The following SMG5 variants were observed in gnomAD, a reference collection of about 807,000 sequenced individuals.
The protein encoded by SMG5 is SMG5 nonsense mediated mRNA decay factor.
A neutral mutation model predicts 122.9 loss-of-function variants in SMG5; 53 were observed. The observed-to-expected ratio is 0.43, with a 90% CI of 0.35 to 0.54. The LOEUF is 0.54. Ranked by LOEUF, SMG5 falls within the 20% of genes least tolerant of loss-of-function variation. The pLI is 0.01. For synonymous variants in SMG5, 477 were observed against 490.2 expected (o/e 0.97, Z 0.35); for missense variants, 1,153 against 1,285.6 (o/e 0.90, Z 1.58).
chr1:156,263,013 C>G (rs1661927955), intron 13 of SMG5, among the ~76,000 whole-genome samples: 1 of 152,202 alleles, frequency 6.6e-6, no homozygotes, highest in East Asian at 1.9e-4. Context: ...CAACTCTTGT[C>G]AGAAGTTCCC....
At chr1:156,252,111 G>C (rs1282333510) in intron 19 of SMG5, among the ~76,000 whole-genome samples, 1 of 152,216 alleles carries the variant, frequency 6.6e-6, no homozygotes. Flanking sequence ...CTAAAGTTGG[G>C]GGAGGGAGGT....
intron 1 of SMG5, among the ~76,000 whole-genome samples, chr1:156,279,407 A>C (rs139566304): frequency 5.8e-4 from 88 of 152,286 alleles, no homozygotes; most frequent in African/African-American, 1.4e-3. Context: ...CAAAGTAGAG[A>C]AACTGTGATA....
Position 156,273,422 on chromosome 1 carries a change from T to C in SMG5, c.573A>G (p.Val191=). The stretch of plus-strand genomic sequence containing the variant: ...ATCTCTCGGCTAGCAGCTCGGTATC[T>C]ACGCCAGCTAATTCATTCTGATATC... ...LSRYQNELAG[V]DTELLAERFY... Residue 191 remains valine (V), a synonymous_variant, in exon 6 of 22, where the codon GTA becomes GTG. Transcript: ENST00000361813. The C allele has an allele frequency of 6.2e-7, 1 of 1,614,072 alleles. No homozygotes were observed. The highest frequency in any genetic ancestry group is 8.5e-7 in the Non-Finnish European group (1 of 1,179,998).
chr1:156,285,672 G>T (rs1326661720), upstream of SMG5: 2 of 1,613,768 alleles, frequency 1.2e-6, no homozygotes, highest in Non-Finnish European at 1.7e-6. Flanking sequence ...ATCGTGCGCT[G>T]TGAGGCAGGC....
the SMG5 span, among the ~76,000 whole-genome samples, chr1:156,289,464 T>C: frequency 1.3e-5 from 2 of 152,080 alleles, no homozygotes; most frequent in Non-Finnish European, 2.9e-5. Context: ...AATAAAAAAT[T>C]AGCCGGGCAT....
chr1:156,274,837 AG>A, intron 4 of SMG5, 151 bp from the exon 5 acceptor site: 1 of 630,130 alleles, frequency 1.6e-6, no homozygotes, highest in Non-Finnish European at 2.9e-6. Context: ...TCCAGGACAC[AG>A]GGAGAGACAC....
chr1:156,256,115 C>T (rs1332583309), intron 16 of SMG5, among the ~76,000 whole-genome samples: 3 of 152,050 alleles, frequency 2.0e-5, no homozygotes, highest in South Asian at 4.1e-4. Context: ...AAAGAGAAAA[C>T]AGACATTAGT....
chr1:156,250,316 G>T lies in SMG5; in HGVS notation c.*271C>A, dbSNP rs529268905. The T allele has an allele frequency of 2.1e-6, 1 of 477,194 alleles. No homozygotes were observed. The highest frequency in any genetic ancestry group is 3.9e-5 in the East Asian group (1 of 25,662). 29.6% of individuals were successfully genotyped at this position (477,194 alleles called of 1,614,324 possible). A position where few individuals can be genotyped will look rare whatever the true frequency, so the allele number is the denominator to read the frequency against. On this transcript the variant is annotated 3_prime_UTR_variant, in exon 22 of 22. Transcript: ENST00000361813. ...CTACCACCTGCCCCTGGAGACAGCA[G>T]GGGAGCTGAGGCAGGAAGGCTGGCC...
chr1:156,283,156 AAGCCTCTTTCAGATTACTGGTTAG>A (rs1663047068), upstream of SMG5: 2 of 271,140 alleles, frequency 7.4e-6, no homozygotes, highest in African/African-American at 4.4e-5. Context: ...CGTTTGAGCC[AAGCCTCTTTCAGATTACTGGTTAG>A]AGTGACTCCA....
intron 2 of SMG5, 40 bp downstream of exon 2, chr1:156,278,896 G>A (rs753616061): frequency 1.3e-6 from 2 of 1,540,706 alleles, no homozygotes; most frequent in African/African-American, 1.4e-5. Context: ...AGATAGGCAG[G>A]GAAACAGTAA....
upstream of SMG5, among the ~76,000 whole-genome samples, chr1:156,283,531 C>A (rs1353689701): frequency 6.6e-6 from 1 of 150,576 alleles, no homozygotes; most frequent in Admixed American, 6.6e-5. Flanking sequence ...ATCTCCTAAT[C>A]CTCACATTGG....
chr1:156,272,986 T>C lies in SMG5; in HGVS notation c.634+375A>G, dbSNP rs1033151585. 2.6e-5 allele frequency among the ~76,000 whole-genome samples: 4 copies of C among 152,192 alleles called. No homozygotes were observed. In the East Asian group the frequency reaches 5.8e-4, roughly 22 times the overall value. On this transcript the variant is annotated intron_variant, in intron 6 of 21. Transcript: ENST00000361813. Reference sequence around the variant, plus strand: ...CTCCTCCAAGGTTGATGGAACTCCATGGAGCCCTCTCCTCTATCTCAGCAC... The same window carrying C: ...CTCCTCCAAGGTTGATGGAACTCCACGGAGCCCTCTCCTCTATCTCAGCAC...
chr1:156,251,068 A>G, intron 20 of SMG5, 72 bp from the exon 21 acceptor site: 1 of 1,567,398 alleles, frequency 6.4e-7, no homozygotes, highest in Non-Finnish European at 8.7e-7. Context: ...CAGGATCTCC[A>G]GGGGACAGGG....
rs552991475 is a variant in SMG5, at chr1:156,273,222, T to C, written c.634+139A>G. ...AGTGTGTTACAAGAGGGAAAAGGTATAAACAAGGTGAAGTACGAGAGAGCT... is the reference window on the plus strand; with the variant it reads ...AGTGTGTTACAAGAGGGAAAAGGTACAAACAAGGTGAAGTACGAGAGAGCT... On this transcript the variant is annotated intron_variant, in intron 6 of 21. Coordinates refer to ENST00000361813, the MANE Select transcript of SMG5 (RefSeq NM_015327.3). The C allele has an allele frequency of 3.1e-4, 209 of 684,314 alleles. 2 individuals are homozygous for C. The South Asian group carries it at 3.4e-3, about 11-fold the overall frequency. 42.4% of individuals were successfully genotyped at this position (684,314 alleles called of 1,614,324 possible). A position where few individuals can be genotyped will look rare whatever the true frequency, so the allele number is the denominator to read the frequency against.
the SMG5 span, chr1:156,290,317 CCTTCTTT>C: frequency 6.5e-6 from 1 of 152,898 alleles, no homozygotes; most frequent in Non-Finnish European, 1.5e-5. Flanking sequence ...TCTTCTTCTT[CCTTCTTT>C]CTTCTTTTCT....
chr1:156,251,902 G>A lies in SMG5; in HGVS notation c.2754-425C>T, dbSNP rs374531807. ...TCTCCTCCAGCCCCAAAGGCCAGAA[G>A]GGCAGGCCTGTACCGGCTGAGCATC... On this transcript the variant is annotated intron_variant, in intron 19 of 21. Coordinates refer to ENST00000361813, the MANE Select transcript of SMG5 (RefSeq NM_015327.3). 4.2e-4 allele frequency among the ~76,000 whole-genome samples: 64 copies of A among 152,348 alleles called. No homozygotes were observed. In the South Asian group the frequency reaches 0.012, roughly 28 times the overall value.
At chr1:156,270,385 T>C (rs1662353630) in intron 7 of SMG5, among the ~76,000 whole-genome samples, 1 of 152,208 alleles carries the variant, frequency 6.6e-6, no homozygotes, top group Non-Finnish European at 1.5e-5. Flanking sequence ...CCACGCATGG[T>C]CCTAAGACCA....
At chr1:156,281,474 T>C (rs1023010355) in intron 1 of SMG5, among the ~76,000 whole-genome samples, 72 of 152,200 alleles carry the variant, frequency 4.7e-4, no homozygotes, top group Non-Finnish European at 7.8e-4. Flanking sequence ...CAGCCCATAG[T>C]GGGAGCCCTG....
intron 15 of SMG5, among the ~76,000 whole-genome samples, chr1:156,260,211 G>A (rs2287026): frequency 0.22 from 33,739 of 152,112 alleles, 3,969 homozygotes; most frequent in Admixed American, 0.32. Context: ...AAAGGAAGGG[G>A]GTGGTTGTTC....
Sources: allele counts gnomAD v4.1 joint callset (sites outside exome capture counted in the v4.1 genomes callset), GRCh38; gene constraint gnomAD v4.1.1; transcripts MANE v1.5; gene names NCBI Gene and HGNC (gene_info 2026-07-23, HGNC 2026-07-21).